RNF145: variants seen among roughly 807,000 people sequenced by gnomAD.
RNF145 encodes the protein ring finger protein 145.
Under a neutral mutation model 57.3 loss-of-function variants are expected in RNF145, and 12 were observed. The ratio of observed to expected loss-of-function variants is 0.21; its 90% CI spans 0.13 to 0.34. RNF145 has a LOEUF of 0.34. Ranked by LOEUF, RNF145 falls within the 10% of genes least tolerant of loss-of-function variation. The pLI, the probability that RNF145 is intolerant of heterozygous loss-of-function variation, is 1.00. For missense variants in RNF145, 429 were observed against 799.0 expected, an observed-to-expected ratio of 0.54 and a Z score of 5.58; for synonymous variants, 262 against 288.3, an observed-to-expected ratio of 0.91 and a Z score of 0.92.
intron 4 of RNF145, among the ~76,000 whole-genome samples, chr5:159,181,723 TA>T (rs200437694): frequency 2.7e-5 from 4 of 147,546 alleles, no homozygotes; most frequent in Non-Finnish European, 6.1e-5. Context: ...AAAAAACCCT[TA>T]AAAAAACACA....
chr5:159,209,546 C>T lies in RNF145; in HGVS notation c.-355G>A. The T allele has an allele frequency of 1.0e-6, 1 of 981,970 alleles. No homozygotes were observed. Among genetic ancestry groups the T allele is most frequent in the South Asian group, 4.6e-5 (1 of 21,968 alleles). 60.8% of individuals were successfully genotyped at this position (981,970 alleles called of 1,614,324 possible). On this transcript the variant is annotated 5_prime_UTR_variant, in exon 1 of 11. Transcript: ENST00000424310. ...CTGCGTTTGCTCCTCCCGCCCCCGG[C>T]GCTCTGCGGCGGCCGCGGCCCGACT...
At chr5:159,207,305 A>T (rs1241929191) in intron 1 of RNF145, among the ~76,000 whole-genome samples, 2 of 152,192 alleles carry the variant, frequency 1.3e-5, no homozygotes, top group East Asian at 1.9e-4. Flanking sequence ...AGAAATGAAA[A>T]ATGTGATTTT....
At chr5:159,176,327 T>C (rs1034425261) in intron 5 of RNF145, among the ~76,000 whole-genome samples, 2 of 152,142 alleles carry the variant, frequency 1.3e-5, no homozygotes, top group East Asian at 3.8e-4. Flanking sequence ...ACAGCTTTCA[T>C]TATTAGCTCC....
At chr5:159,180,007 GAGA>G (rs1784837544) in intron 4 of RNF145, among the ~76,000 whole-genome samples, 1 of 152,098 alleles carries the variant, frequency 6.6e-6, no homozygotes, top group Non-Finnish European at 1.5e-5. Context: ...GCAAGTGGGA[GAGA>G]AGGTGGGGAG....
intron 8 of RNF145, among the ~76,000 whole-genome samples, chr5:159,165,109 CCTT>C (rs1255408915): frequency 1.3e-5 from 2 of 152,202 alleles, no homozygotes; most frequent in African/African-American, 4.8e-5. Context: ...GCATGTCCCT[CCTT>C]TTATTTAGTC....
intron 2 of RNF145, among the ~76,000 whole-genome samples, 186 bp from the exon 3 acceptor site, chr5:159,195,010 A>G (rs1785409296): frequency 1.3e-5 from 2 of 151,828 alleles, no homozygotes; most frequent in Non-Finnish European, 2.9e-5. Flanking sequence ...TTGAAAATGT[A>G]TTGTGTTTTT....
At chr5:159,200,308 T>C (rs987926632) in intron 2 of RNF145, among the ~76,000 whole-genome samples, 2 of 151,972 alleles carry the variant, frequency 1.3e-5, no homozygotes, top group African/African-American at 4.8e-5. Context: ...CTAACCCTGT[T>C]AGACAGTAAA....
intron 8 of RNF145, 113 bp downstream of exon 8, chr5:159,168,760 C>G (rs1395785434): frequency 1.7e-6 from 1 of 575,620 alleles, no homozygotes; most frequent in Non-Finnish European, 2.8e-6. Flanking sequence ...TAAGCTAATA[C>G]CAATTACCCA....
At chr5:159,182,560 T>C (rs1040609961) in intron 3 of RNF145, among the ~76,000 whole-genome samples, 4 of 152,130 alleles carry the variant, frequency 2.6e-5, no homozygotes, top group Non-Finnish European at 5.9e-5. Context: ...AAAATTATCA[T>C]TTTCAACTCT....
Position 159,209,290 on chromosome 5 carries a change from C to T in RNF145, c.-99G>A, listed in dbSNP as rs1161489140. 5.1e-6 allele frequency: 5 copies of T among 985,298 alleles called. No homozygotes were observed. The highest frequency in any genetic ancestry group is 4.7e-5 in the South Asian group (1 of 21,346). The allele number at this position is 985,298 out of a possible 1,614,324, so 61.0% of individuals were successfully genotyped here. A position where few individuals can be genotyped will look rare whatever the true frequency, so the allele number is the denominator to read the frequency against. On this transcript the variant is annotated 5_prime_UTR_variant, in exon 1 of 11. Transcript: ENST00000424310. ...CTGCCGGCGGGCGGGCTCCGCAACT[C>T]CCCGGCTCTCTCGCCCGCCCTCCCG... is the stretch of plus-strand genomic sequence containing the variant.
At chr5:159,185,384 G>A (rs184704948) in intron 3 of RNF145, among the ~76,000 whole-genome samples, 17 of 152,236 alleles carry the variant, frequency 1.1e-4, no homozygotes, top group African/African-American at 4.1e-4. Context: ...CCAAACTGTA[G>A]AGAATAACTG....
rs1193400372 is a variant in RNF145 at position 159,161,566 on chromosome 5, C to T, written c.1326G>A (p.Glu442=). 6.2e-7 allele frequency: 1 copy of T among 1,613,490 alleles called. No individual in the cohort carries two copies. Among genetic ancestry groups the T allele is most frequent in the South Asian group, 1.1e-5 (1 of 90,970 alleles). The part of the protein sequence containing the change: ...VLFMVEEFRK[E]PVENMDDVIY... ...TGACATCATCCATGTTTTCCACTGGCTCTTTTCTGAATTCCTCAACCATAA... is the reference window on the plus strand; with the variant it reads ...TGACATCATCCATGTTTTCCACTGGTTCTTTTCTGAATTCCTCAACCATAA... The change falls in exon 10 of 11, where the codon GAG becomes GAA. Residue 442 remains glutamate, a synonymous_variant. Coordinates refer to ENST00000424310, the MANE Select transcript of RNF145 (RefSeq NM_001199383.2).
intron 3 of RNF145, among the ~76,000 whole-genome samples, chr5:159,186,745 T>C (rs1031942267): frequency 1.3e-5 from 2 of 152,136 alleles, no homozygotes; most frequent in East Asian, 1.9e-4. Flanking sequence ...CTCCTAGATA[T>C]TGAGTGCCTG....
intron 2 of RNF145, among the ~76,000 whole-genome samples, chr5:159,197,561 A>G (rs6884239): frequency 0.75 from 114,600 of 152,122 alleles, 44,174 homozygotes; most frequent in African/African-American, 0.92. Flanking sequence ...TTTGAGAGAC[A>G]ATGAATACTA....
Position 159,161,516 on chromosome 5 carries a change from C to T in RNF145, c.1376G>A (p.Arg459His), listed in dbSNP as rs778833400. ...DVIYYVNGTY[R>H]LLEFLVALCV... The stretch of plus-strand genomic sequence containing the variant: ...GAGGGCCACAAGAAACTCCAGCAGG[C>T]GGTAAGTGCCATTCACATAGTAGAT... The change falls in exon 10 of 11, where the codon CGC (arginine) becomes CAC (histidine). Residue 459 changes from arginine (R) to histidine (H), a missense_variant. Physicochemically the swap from Arg to His is conservative, Grantham distance 29. This residue lies in a region of RNF145 where 216 missense variants were observed against 457.6 expected (regional missense o/e 0.47). Coordinates refer to ENST00000424310, the MANE Select transcript of RNF145 (RefSeq NM_001199383.2). 9 of 1,613,886 alleles carry T rather than the reference C, an allele frequency of 5.6e-6. No homozygotes were observed. Among genetic ancestry groups the T allele is most frequent in the South Asian group, 1.1e-5 (1 of 91,070 alleles).
At chr5:159,177,324 T>C (rs901098654) in intron 4 of RNF145, among the ~76,000 whole-genome samples, 25 of 152,120 alleles carry the variant, frequency 1.6e-4, no homozygotes, top group Admixed American at 1.6e-3. Context: ...TCTGATAATT[T>C]TTTAATCTTT....
intron 3 of RNF145, among the ~76,000 whole-genome samples, chr5:159,192,460 T>A (rs752808536): frequency 6.6e-6 from 1 of 152,210 alleles, no homozygotes; most frequent in Non-Finnish European, 1.5e-5. Flanking sequence ...AGGTCTACCT[T>A]CAACCTTGAT....
At chr5:159,169,957 C>T in intron 6 of RNF145, 138 bp from the exon 7 acceptor site, 2 of 603,578 alleles carry the variant, frequency 3.3e-6, no homozygotes, top group Non-Finnish European at 5.7e-6. Flanking sequence ...GAGGAGAAAT[C>T]ACCCAATTAC....
At chr5:159,198,448 T>C (rs1016761634) in intron 2 of RNF145, among the ~76,000 whole-genome samples, 6 of 152,136 alleles carry the variant, frequency 3.9e-5, no homozygotes, top group East Asian at 3.9e-4. Context: ...AGAGCCTGGA[T>C]TGTAACAGTA....
Sources: gnomAD v4.1 joint callset for allele counts (sites outside exome capture counted in the v4.1 genomes callset) on GRCh38, gnomAD v4.1.1 for gene constraint, gnomAD v4.1.1 regional missense constraint, MANE v1.5 for transcripts, NCBI Gene and HGNC (gene_info 2026-07-23, HGNC 2026-07-21) for gene names.